WDPCP: variants seen among roughly 807,000 people sequenced by gnomAD.
WDPCP encodes the protein WD repeat containing planar cell polarity effector, also known as WD repeat-containing and planar cell polarity effector protein fritz homolog.
WDPCP carries 71 observed loss-of-function variants against 93.1 expected under a neutral mutation model. The observed-to-expected ratio is 0.76, with a 90% confidence interval of 0.63 to 0.93. The LOEUF (loss-of-function observed/expected upper bound fraction) is 0.93. WDPCP is among the 40% of genes least tolerant of loss of function. The pLI is 0.00. For synonymous variants in WDPCP, 315 were observed against 315.0 expected, an observed-to-expected ratio of 1.00 and a Z score of 0.00; for missense variants, 844 against 887.4, an observed-to-expected ratio of 0.95 and a Z score of 0.62.
chr2:63,196,714 T>A (rs2104286620), intron 14 of WDPCP, among the ~76,000 whole-genome samples: 1 of 152,294 alleles, frequency 6.6e-6, no homozygotes, highest in South Asian at 2.1e-4. Context: ...GAAGAAAGGA[T>A]ATCTACCTGA....
At chr2:63,265,558 T>C (rs1326306803) in intron 13 of WDPCP, among the ~76,000 whole-genome samples, 1 of 152,192 alleles carries the variant, frequency 6.6e-6, no homozygotes, top group African/African-American at 2.4e-5. Context: ...CAGGATCTGA[T>C]GGTTTCACTG....
chr2:63,549,434 AG>A (rs911243312), intron 1 of WDPCP, among the ~76,000 whole-genome samples: 1 of 152,106 alleles, frequency 6.6e-6, no homozygotes, highest in Non-Finnish European at 1.5e-5. Context: ...AATGGAAACT[AG>A]AAAAAAAAAT....
chr2:63,322,949 C>T (rs990277162), intron 12 of WDPCP, among the ~76,000 whole-genome samples: 18 of 152,258 alleles, frequency 1.2e-4, no homozygotes, highest in Non-Finnish European at 4.4e-5. Flanking sequence ...AGACTAAAGA[C>T]ACAGGTGTCA....
intron 1 of WDPCP, among the ~76,000 whole-genome samples, chr2:63,505,630 T>C (rs555661064): frequency 6.6e-6 from 1 of 152,246 alleles, no homozygotes; most frequent in South Asian, 2.1e-4. Flanking sequence ...TGAAAATTTG[T>C]GGCAAATAAC....
chr2:63,355,839 G>A (rs749994850), intron 12 of WDPCP, among the ~76,000 whole-genome samples: 1 of 152,186 alleles, frequency 6.6e-6, no homozygotes, highest in Non-Finnish European at 1.5e-5. Context: ...AGTGAGCTGA[G>A]ACTGTGCCAC....
chr2:63,447,171 A>G (rs1352084868), intron 6 of WDPCP, among the ~76,000 whole-genome samples: 3 of 152,164 alleles, frequency 2.0e-5, no homozygotes, highest in Non-Finnish European at 4.4e-5. Flanking sequence ...TTTTACTAGG[A>G]AAAAAACAAG....
chr2:63,702,538 C>A (rs1669073259), intron 2 of WDPCP, among the ~76,000 whole-genome samples: 1 of 147,174 alleles, frequency 6.8e-6, no homozygotes, highest in South Asian at 2.2e-4. Context: ...GCTACCCATT[C>A]TTTTTTTTTT....
intron 10 of WDPCP, among the ~76,000 whole-genome samples, chr2:63,391,063 A>C (rs544101126): frequency 4.9e-4 from 75 of 152,102 alleles, no homozygotes; most frequent in Non-Finnish European, 8.8e-4. Context: ...ATCCTGATAC[A>C]AAAGCCTGGC....
chr2:63,758,583 C>T (rs1017278647), intron 2 of WDPCP, among the ~76,000 whole-genome samples: 4 of 152,072 alleles, frequency 2.6e-5, no homozygotes, highest in African/African-American at 9.7e-5. Context: ...GGACTACAGG[C>T]ACATGCCACC....
At chr2:63,157,291 G>A (rs1672325325) in intron 15 of WDPCP, among the ~76,000 whole-genome samples, 1 of 151,862 alleles carries the variant, frequency 6.6e-6, no homozygotes, top group Non-Finnish European at 1.5e-5. Context: ...ATATGTATGA[G>A]AGACAGTAGT....
At chr2:63,173,144 T>A (rs919070964) in intron 15 of WDPCP, among the ~76,000 whole-genome samples, 1 of 152,014 alleles carries the variant, frequency 6.6e-6, no homozygotes, top group African/African-American at 2.4e-5. Context: ...GGTGGGCACC[T>A]GTAATCCCAG....
chr2:63,291,201 T>TA (rs869302495), intron 13 of WDPCP, among the ~76,000 whole-genome samples: 1 of 50,122 alleles, frequency 2.0e-5, no homozygotes. Context: ...ATTTTGCTTT[T>TA]AAAAAAAATA....
At chr2:63,473,776 T>C (rs544184540) in intron 6 of WDPCP, among the ~76,000 whole-genome samples, 57 of 152,352 alleles carry the variant, frequency 3.7e-4, no homozygotes, top group African/African-American at 1.3e-3. Flanking sequence ...AATAATAATA[T>C]AGCTTTAATT....
intron 9 of WDPCP, among the ~76,000 whole-genome samples, chr2:63,418,921 G>A (rs1558607052): frequency 6.6e-6 from 1 of 151,674 alleles, no homozygotes; most frequent in Non-Finnish European, 1.5e-5. Context: ...GCCAGGGAGG[G>A]AAGACTGTTA....
At chr2:63,280,274 G>T (rs1026147743) in intron 13 of WDPCP, among the ~76,000 whole-genome samples, 1 of 152,146 alleles carries the variant, frequency 6.6e-6, no homozygotes, top group South Asian at 2.1e-4. Flanking sequence ...GAGGTGAAAG[G>T]CACTTCTTAC....
intron 3 of WDPCP, among the ~76,000 whole-genome samples, chr2:63,595,858 T>A (rs1709301336): frequency 1.3e-5 from 2 of 152,298 alleles, no homozygotes; most frequent in South Asian, 4.1e-4. Context: ...GTCTACATTG[T>A]GTTGTTATGG....
intron 15 of WDPCP, 120 bp downstream of exon 15, chr2:63,174,550 G>T (rs1673652956): frequency 7.3e-7 from 1 of 1,367,914 alleles, no homozygotes; most frequent in South Asian, 1.2e-5. Context: ...TCTGAGCCAT[G>T]AGAAATGCAA....
intron 3 of WDPCP, among the ~76,000 whole-genome samples, chr2:63,618,883 T>G (rs1349055251): frequency 6.6e-6 from 1 of 152,138 alleles, no homozygotes. Flanking sequence ...GAGACAGGGT[T>G]TCTCCATGTT....
chr2:63,786,397 T>C (rs1670467247), intron 2 of WDPCP, among the ~76,000 whole-genome samples: 1 of 152,170 alleles, frequency 6.6e-6, no homozygotes, highest in Non-Finnish European at 1.5e-5. Context: ...TGGAATGTCT[T>C]TAGGAGAATG....
Sources: gnomAD v4.1 joint callset for allele counts (sites outside exome capture counted in the v4.1 genomes callset) on GRCh38, gnomAD v4.1.1 for gene constraint, MANE v1.5 for transcripts, NCBI Gene and HGNC (gene_info 2026-07-23, HGNC 2026-07-21) for gene names.